The following LTBP1 variants were observed in gnomAD, a reference collection of about 807,000 sequenced individuals.
LTBP1 encodes latent transforming growth factor beta binding protein 1.
LTBP1 carries 129 observed loss-of-function variants against 207.6 expected under a neutral mutation model. The ratio of observed to expected loss-of-function variants is 0.62; its 90% CI spans 0.54 to 0.72. The LOEUF is 0.72. LTBP1 is among the 30% of genes least tolerant of loss of function. The probability of loss-of-function intolerance (pLI) is 0.00; values close to 1 mark genes in which losing one functional copy is unlikely to be tolerated. For missense variants in LTBP1, 2,281 were observed against 2,217.2 expected, an observed-to-expected ratio of 1.03 and a Z score of -0.58; for synonymous variants, 963 against 833.7, an observed-to-expected ratio of 1.16 and a Z score of -2.67.
rs1469318238 is a variant in LTBP1 at position 33,150,719 on chromosome 2, T to C, written c.1201+15759T>C. On this transcript the variant is annotated intron_variant, in intron 5 of 33. Coordinates refer to ENST00000404816, the MANE Select transcript of LTBP1 (RefSeq NM_206943.4). The stretch of plus-strand genomic sequence containing the variant: ...TTTCTTTTTTCTTTTTCTTTTTTTT[T>C]TTTTTTTTTTTTTTTTTGAGACAGA... Among the ~76,000 whole-genome samples the C allele has an allele frequency of 1.8e-4, 21 of 116,348 alleles. No homozygotes were observed. The East Asian group carries it at 3.5e-3, about 19-fold the overall frequency. The allele number at this position is 116,348 out of a possible 152,430, so 76.3% of individuals were successfully genotyped here.
At chr2:33,016,466 T>TA (rs1264223629) in intron 2 of LTBP1, among the ~76,000 whole-genome samples, 1 of 152,084 alleles carries the variant, frequency 6.6e-6, no homozygotes, top group African/African-American at 2.4e-5. Flanking sequence ...CCTGGGGAGT[T>TA]AAAAAAGTAC....
intron 3 of LTBP1, among the ~76,000 whole-genome samples, chr2:33,037,718 TA>T (rs967464589): frequency 6.6e-6 from 1 of 152,152 alleles, no homozygotes; most frequent in African/African-American, 2.4e-5. Context: ...ATATAGTTTT[TA>T]TTTTATTTAT....
chr2:33,009,944 G>A (rs932821422), intron 2 of LTBP1, among the ~76,000 whole-genome samples: 2 of 152,164 alleles, frequency 1.3e-5, no homozygotes, highest in African/African-American at 4.8e-5. Flanking sequence ...ATCTAAGTTC[G>A]GGCACTGAAT....
chr2:32,985,220 T>A (rs1683363780), intron 2 of LTBP1, among the ~76,000 whole-genome samples: 1 of 152,160 alleles, frequency 6.6e-6, no homozygotes, highest in African/African-American at 2.4e-5. Context: ...TCTTTATCAA[T>A]TGGTGGGTTG....
chr2:33,280,996 A>G (rs1431352785), intron 19 of LTBP1, among the ~76,000 whole-genome samples: 2 of 152,130 alleles, frequency 1.3e-5, no homozygotes, highest in African/African-American at 4.8e-5. Flanking sequence ...GCTTGAGTCC[A>G]GGAGTTCAAG....
At chr2:33,164,352 GAAAAA>G (rs56916166) in intron 5 of LTBP1, among the ~76,000 whole-genome samples, 2 of 28,262 alleles carry the variant, frequency 7.1e-5, no homozygotes, top group Non-Finnish European at 1.5e-4. Context: ...TTCCTCTCAG[GAAAAA>G]AAAAAAAAAA....
At chr2:33,074,618 C>A (rs980587082) in intron 3 of LTBP1, among the ~76,000 whole-genome samples, 2 of 152,162 alleles carry the variant, frequency 1.3e-5, no homozygotes, top group African/African-American at 4.8e-5. Flanking sequence ...GCCTGTAATT[C>A]CAGCACTTTG....
At chr2:33,081,915 C>T (rs1316984176) in intron 3 of LTBP1, among the ~76,000 whole-genome samples, 3 of 152,202 alleles carry the variant, frequency 2.0e-5, no homozygotes, top group African/African-American at 7.2e-5. Flanking sequence ...TTTGCTTCCC[C>T]TTCCGCCACC....
intron 15 of LTBP1, among the ~76,000 whole-genome samples, chr2:33,266,912 C>A (rs542975281): frequency 3.3e-4 from 51 of 152,336 alleles, no homozygotes; most frequent in African/African-American, 1.1e-3. Flanking sequence ...ATGACCCCCC[C>A]ACTCACCATG....
At chr2:33,246,060 A>G (rs1218919852) in intron 10 of LTBP1, among the ~76,000 whole-genome samples, 1 of 152,180 alleles carries the variant, frequency 6.6e-6, no homozygotes, top group Non-Finnish European at 1.5e-5. Context: ...TTATTAAACA[A>G]CCATCCATTC....
chr2:33,034,474 A>G (rs1573214393), intron 3 of LTBP1, among the ~76,000 whole-genome samples: 1 of 149,586 alleles, frequency 6.7e-6, no homozygotes, highest in Non-Finnish European at 1.5e-5. Context: ...GAGTTAAGCT[A>G]TTAATGTTTG....
intron 2 of LTBP1, among the ~76,000 whole-genome samples, chr2:32,959,621 A>ATATAT (rs1475834284): frequency 0.023 from 849 of 36,702 alleles, 27 homozygotes; most frequent in African/African-American, 0.029. Context: ...ATATATATAT[A>ATATAT]TTTTTTTTTT....
chr2:33,360,107 C>T (rs1252157649), intron 26 of LTBP1, among the ~76,000 whole-genome samples: 1 of 152,094 alleles, frequency 6.6e-6, no homozygotes, highest in Admixed American at 6.5e-5. Context: ...CTGCAGGTTA[C>T]GACAGTATTT....
chr2:33,149,142 G>A (rs1379440878), intron 5 of LTBP1, among the ~76,000 whole-genome samples: 11 of 151,354 alleles, frequency 7.3e-5, no homozygotes, highest in African/African-American at 2.7e-4. Context: ...GTGAACCCGG[G>A]AGGCGGAGCT....
At chr2:33,199,628 A>C (rs1316725835) in intron 7 of LTBP1, among the ~76,000 whole-genome samples, 1 of 152,234 alleles carries the variant, frequency 6.6e-6, no homozygotes, top group Admixed American at 6.5e-5. Flanking sequence ...TGGCCAGGGC[A>C]ATTAGGCAGG....
chr2:32,973,960 C>T (rs1681319540), intron 2 of LTBP1, among the ~76,000 whole-genome samples: 1 of 152,180 alleles, frequency 6.6e-6, no homozygotes, highest in Admixed American at 6.5e-5. Context: ...AATAGTACTC[C>T]ATTGTGTACA....
chr2:33,327,963 C>CA (rs2149433080), intron 24 of LTBP1, among the ~76,000 whole-genome samples: 1 of 151,788 alleles, frequency 6.6e-6, no homozygotes, highest in Non-Finnish European at 1.5e-5. Flanking sequence ...TGGTAAAACC[C>CA]ATCTCTACTA....
intron 2 of LTBP1, among the ~76,000 whole-genome samples, chr2:32,977,463 G>A (rs1280213354): frequency 6.6e-6 from 1 of 152,214 alleles, no homozygotes; most frequent in African/African-American, 2.4e-5. Context: ...GGCGGCTGGA[G>A]CAATCTTATT....
chr2:33,329,612 C>T (rs1193172037), intron 24 of LTBP1, among the ~76,000 whole-genome samples: 2 of 152,018 alleles, frequency 1.3e-5, no homozygotes, highest in African/African-American at 2.4e-5. Context: ...CCTAAATGGA[C>T]ATCAAATTAG....
Sources: gnomAD v4.1 joint callset for allele counts (sites outside exome capture counted in the v4.1 genomes callset) on GRCh38, gnomAD v4.1.1 for gene constraint, MANE v1.5 for transcripts, NCBI Gene and HGNC (gene_info 2026-07-23, HGNC 2026-07-21) for gene names.